Variants in SORCS2 observed in about 807,000 individuals in gnomAD.
SORCS2 encodes VPS10 domain-containing receptor SorCS2.
A neutral mutation model predicts 141.6 loss-of-function variants in SORCS2; 100 were observed. That is an observed-to-expected ratio of 0.71 (90% CI 0.60 to 0.83). The LOEUF is 0.83. SORCS2 is among the 40% of genes least tolerant of loss of function. The pLI, the probability that SORCS2 is intolerant of heterozygous loss-of-function variation, is 0.00. For missense variants in SORCS2, 1,646 were observed against 1,560.2 expected (o/e 1.05, Z -0.93); for synonymous variants, 789 against 676.9 (o/e 1.17, Z -2.57).
At chr4:7,375,054 T>A (rs1353149759) in intron 1 of SORCS2, among the ~76,000 whole-genome samples, 1 of 152,080 alleles carries the variant, frequency 6.6e-6, no homozygotes, top group East Asian at 1.9e-4. Flanking sequence ...GACGAGGGTG[T>A]GGAATGTGCA....
At chr4:7,424,615 C>A (rs1398876972) in intron 2 of SORCS2, among the ~76,000 whole-genome samples, 2 of 152,186 alleles carry the variant, frequency 1.3e-5, no homozygotes, top group African/African-American at 4.8e-5. Context: ...GCAGGAGCGC[C>A]CCCCTCTGCT....
rs1469170072 is a variant in SORCS2, at chr4:7,628,512, C to G, written c.649-9816C>G. 5.3e-5 allele frequency among the ~76,000 whole-genome samples: 7 copies of G among 131,124 alleles called. 1 individual carries two copies. Among genetic ancestry groups the G allele is most frequent in the African/African-American group, 1.8e-4 (7 of 38,428 alleles). The allele number at this position is 131,124 out of a possible 152,430, so 86.0% of individuals were successfully genotyped here. A position where few individuals can be genotyped will look rare whatever the true frequency, so the allele number is the denominator to read the frequency against. On this transcript the variant is annotated intron_variant, in intron 3 of 26. Coordinates refer to ENST00000507866, the MANE Select transcript of SORCS2 (RefSeq NM_020777.3). ...CCAGCCTGGGCAAAAGAGTGAGACT[C>G]CGTCTCGAAAAAAAAAAAAAAGCTA...
At chr4:7,684,315 G>A (rs980510312) in intron 10 of SORCS2, among the ~76,000 whole-genome samples, 6 of 152,220 alleles carry the variant, frequency 3.9e-5, no homozygotes, top group African/African-American at 1.4e-4. Flanking sequence ...GTGAGGATGA[G>A]ATGAAAGAAT....
At chr4:7,605,121 TTTC>T (rs1222752118) in intron 3 of SORCS2, among the ~76,000 whole-genome samples, 2 of 152,202 alleles carry the variant, frequency 1.3e-5, no homozygotes, top group Non-Finnish European at 2.9e-5. Flanking sequence ...GGGATCCATG[TTTC>T]TTCTTTATAC....
rs1723083767 is a variant in SORCS2 at position 7,676,034 on chromosome 4, C to G, written c.1162-16C>G. On this transcript the variant is annotated splice_polypyrimidine_tract_variant and intron_variant, in intron 8 of 26. Transcript: ENST00000507866. Reference sequence around the variant, plus strand: ...CAGCCTGGCTCTGACCCTGTGCTCCCTGCACATCCCCACAGGATCTGCAGA... The same window carrying G: ...CAGCCTGGCTCTGACCCTGTGCTCCGTGCACATCCCCACAGGATCTGCAGA... 2 of 1,567,222 alleles carry G rather than the reference C, an allele frequency of 1.3e-6. No individual in the cohort carries two copies. Among genetic ancestry groups the G allele is most frequent in the African/African-American group, 1.4e-5 (1 of 73,902 alleles).
chr4:7,493,022 T>C (rs73091925), intron 2 of SORCS2, among the ~76,000 whole-genome samples: 52 of 152,354 alleles, frequency 3.4e-4, no homozygotes, highest in African/African-American at 1.3e-3. Context: ...CAGCAGCCTG[T>C]CCTCCAGGCA....
At chr4:7,607,386 G>T (rs1417257576) in intron 3 of SORCS2, among the ~76,000 whole-genome samples, 1 of 152,078 alleles carries the variant, frequency 6.6e-6, no homozygotes, top group African/African-American at 2.4e-5. Flanking sequence ...GGGAATTTTT[G>T]TTCTGCAGCC....
chr4:7,693,474 C>T (rs1250611794), intron 11 of SORCS2, among the ~76,000 whole-genome samples: 7 of 152,194 alleles, frequency 4.6e-5, no homozygotes, highest in Non-Finnish European at 8.8e-5. Context: ...GTGCCAACCC[C>T]CACCTGCTCC....
At chr4:7,408,427 C>T (rs985941160) in intron 2 of SORCS2, among the ~76,000 whole-genome samples, 2 of 151,952 alleles carry the variant, frequency 1.3e-5, no homozygotes, top group Admixed American at 6.6e-5. Context: ...TCTTTCCACT[C>T]CTTCCTGGCC....
chr4:7,464,377 G>A (rs534844280), intron 2 of SORCS2, among the ~76,000 whole-genome samples: 1 of 152,282 alleles, frequency 6.6e-6, no homozygotes, highest in Non-Finnish European at 1.5e-5. Context: ...GGCTGCCCGA[G>A]CTCTGGATGC....
intron 2 of SORCS2, among the ~76,000 whole-genome samples, chr4:7,424,730 G>A (rs1403975086): frequency 1.3e-5 from 2 of 152,196 alleles, no homozygotes; most frequent in Non-Finnish European, 2.9e-5. Context: ...GGGCGTGCGG[G>A]CACCGTGGTG....
chr4:7,381,968 T>C, intron 1 of SORCS2: 1 of 985,664 alleles, frequency 1.0e-6, no homozygotes. Flanking sequence ...GCCAGGCCTG[T>C]GGAGTCTCCA....
In SORCS2 at chr4:7,338,123, A is replaced by G. The variant is rs933870173; in HGVS notation, c.481-58165A>G. Among the ~76,000 whole-genome samples the G allele has an allele frequency of 2.6e-5, 4 of 151,028 alleles. No homozygotes were observed. In the South Asian group the frequency reaches 6.3e-4, roughly 24 times the overall value. On this transcript the variant is annotated intron_variant, in intron 1 of 26. Coordinates refer to ENST00000507866, the MANE Select transcript of SORCS2 (RefSeq NM_020777.3). Reference sequence around the variant, plus strand: ...TGTTGGATGGATGTTGGATGGATGGATGGATGGATGGATGTTGGTTGCATG... The same window carrying G: ...TGTTGGATGGATGTTGGATGGATGGGTGGATGGATGGATGTTGGTTGCATG...
rs754531337 is a variant in SORCS2 at position 7,726,760 on chromosome 4, G to T, written c.2746-20G>T. Reference sequence around the variant, plus strand: ...CTGCCTCACTCGGCCAGGCCCCTAAGCCCTGCTGTGCCCCTGCAGCCCCTC... The same window carrying T: ...CTGCCTCACTCGGCCAGGCCCCTAATCCCTGCTGTGCCCCTGCAGCCCCTC... On this transcript the variant is annotated intron_variant, in intron 20 of 26. Transcript: ENST00000507866. 4 of 1,612,006 alleles carry T rather than the reference G, an allele frequency of 2.5e-6. No homozygotes were observed. Among genetic ancestry groups the T allele is most frequent in the Admixed American group, 3.3e-5 (2 of 59,930 alleles).
intron 1 of SORCS2, among the ~76,000 whole-genome samples, chr4:7,293,180 T>C (rs1716729673): frequency 6.6e-6 from 1 of 152,064 alleles, no homozygotes; most frequent in Non-Finnish European, 1.5e-5. Flanking sequence ...GGCGGGCACC[T>C]GTAGTCCCAG....
intron 2 of SORCS2, among the ~76,000 whole-genome samples, chr4:7,488,253 AAG>A (rs1189857170): frequency 6.6e-6 from 1 of 152,186 alleles, no homozygotes; most frequent in African/African-American, 2.4e-5. Flanking sequence ...TGCAGTTGCC[AAG>A]GCATTGTTTC....
At chr4:7,652,366 C>T (rs1287590605) in intron 4 of SORCS2, among the ~76,000 whole-genome samples, 1 of 152,210 alleles carries the variant, frequency 6.6e-6, no homozygotes, top group African/African-American at 2.4e-5. Context: ...TACCTGAGAT[C>T]TCCAGGCCAG....
intron 2 of SORCS2, among the ~76,000 whole-genome samples, chr4:7,473,969 C>T (rs1341156896): frequency 2.6e-5 from 4 of 152,228 alleles, no homozygotes; most frequent in Non-Finnish European, 4.4e-5. Flanking sequence ...GCTTTAAAAA[C>T]TTCATCCGGT....
At chr4:7,568,060 C>A (rs1278570389) in intron 3 of SORCS2, among the ~76,000 whole-genome samples, 1 of 152,176 alleles carries the variant, frequency 6.6e-6, no homozygotes, top group Non-Finnish European at 1.5e-5. Flanking sequence ...CTACCCAGTC[C>A]AAGCATCAAC....
Sources: allele counts gnomAD v4.1 joint callset (sites outside exome capture counted in the v4.1 genomes callset), GRCh38; gene constraint gnomAD v4.1.1; transcripts MANE v1.5; gene names NCBI Gene and HGNC (gene_info 2026-07-23, HGNC 2026-07-21).